The following CARMIL1 variants were observed in gnomAD, a reference collection of about 807,000 sequenced individuals.
The protein encoded by CARMIL1 is capping protein regulator and myosin 1 linker 1, also known as F-actin-uncapping protein LRRC16A.
Under a neutral mutation model 177.1 loss-of-function variants are expected in CARMIL1, and 90 were observed. The ratio of observed to expected loss-of-function variants is 0.51; its 90% CI spans 0.43 to 0.61. The LOEUF (loss-of-function observed/expected upper bound fraction) is 0.61, where lower values mean the gene tolerates loss of function less well. Ranked by LOEUF, CARMIL1 falls within the 20% of genes least tolerant of loss-of-function variation. The probability of loss-of-function intolerance (pLI) is 0.00; values close to 1 mark genes in which losing one functional copy is unlikely to be tolerated. For missense variants in CARMIL1, 1,380 were observed against 1,667.0 expected, an observed-to-expected ratio of 0.83 and a Z score of 3.00; for synonymous variants, 577 against 606.2, an observed-to-expected ratio of 0.95 and a Z score of 0.71.
At chr6:25,356,618 C>T (rs920814814) in intron 2 of CARMIL1, among the ~76,000 whole-genome samples, 6 of 152,168 alleles carry the variant, frequency 3.9e-5, no homozygotes, top group South Asian at 2.1e-4. Flanking sequence ...TTTTTCCTGG[C>T]GCTTCTCCCT....
At chr6:25,356,847 A>C (rs1284489311) in intron 2 of CARMIL1, among the ~76,000 whole-genome samples, 1 of 152,260 alleles carries the variant, frequency 6.6e-6, no homozygotes, top group Non-Finnish European at 1.5e-5. Flanking sequence ...TGGTCTGTCC[A>C]GCAGACCTTC....
intron 10 of CARMIL1, among the ~76,000 whole-genome samples, chr6:25,471,749 G>T: frequency 6.6e-6 from 1 of 152,078 alleles, no homozygotes; most frequent in East Asian, 1.9e-4. Context: ...TGACTTTACT[G>T]CTTTGCTTTG....
At position 25,341,441 on chromosome 6, in the gene CARMIL1, C is replaced by T. The variant is rs118138813; in HGVS notation, c.138+56532C>T. Among the ~76,000 whole-genome samples, 290 of 152,270 alleles carry T rather than the reference C, an allele frequency of 1.9e-3. 4 individuals are homozygous for T. The East Asian group carries it at 0.047, about 25-fold the overall frequency. ...TTTATATATAGAAAACTCAGAATGCCGGCTGAGCATGGTGGCTCATGCCTA... is the reference window on the plus strand; with the variant it reads ...TTTATATATAGAAAACTCAGAATGCTGGCTGAGCATGGTGGCTCATGCCTA... On this transcript the variant is annotated intron_variant, in intron 2 of 36. Transcript: ENST00000329474.
intron 5 of CARMIL1, among the ~76,000 whole-genome samples, chr6:25,441,649 A>G (rs951534649): frequency 3.9e-5 from 6 of 152,090 alleles, no homozygotes; most frequent in African/African-American, 1.4e-4. Context: ...ACCCCAACTC[A>G]AATCACTGTT....
At chr6:25,586,139 TTGCCCCCCACCTCCCAGACGGGGCGGC>T (rs1440497362) in intron 31 of CARMIL1, among the ~76,000 whole-genome samples, 5 of 137,928 alleles carry the variant, frequency 3.6e-5, no homozygotes, top group South Asian at 2.3e-4. Context: ...GGGCGGGGGG[TTGCCCCCCACCTCCCAGACGGGGCGGC>T]TGCCGGGCAG....
intron 2 of CARMIL1, among the ~76,000 whole-genome samples, chr6:25,306,957 C>T (rs1317481732): frequency 1.3e-5 from 2 of 149,572 alleles, no homozygotes; most frequent in Non-Finnish European, 2.9e-5. Context: ...CGGCTCACTG[C>T]AACCTCTGCC....
intron 10 of CARMIL1, 107 bp from the exon 11 acceptor site, chr6:25,472,320 T>C: frequency 5.5e-6 from 4 of 729,582 alleles, no homozygotes; most frequent in Non-Finnish European, 9.4e-6. Flanking sequence ...ACTAATATTG[T>C]AAGGGAGGTT....
At chr6:25,533,378 A>G (rs1025603104) in intron 24 of CARMIL1, among the ~76,000 whole-genome samples, 1 of 152,178 alleles carries the variant, frequency 6.6e-6, no homozygotes, top group African/African-American at 2.4e-5. Flanking sequence ...GTGTGAACTT[A>G]TGTTAGTCAC....
chr6:25,505,899 G>A (rs1378984712), intron 17 of CARMIL1, among the ~76,000 whole-genome samples: 6 of 152,180 alleles, frequency 3.9e-5, no homozygotes, highest in African/African-American at 1.4e-4. Context: ...GATGCAAAGG[G>A]CAATTAATTA....
Position 25,554,663 on chromosome 6 carries a change from GT to G in CARMIL1, c.2592+568del, listed in dbSNP as rs1179803516. Among the ~76,000 whole-genome samples, 7 of 151,976 alleles carry G rather than the reference GT, an allele frequency of 4.6e-5. No individual in the cohort carries two copies. The highest frequency in any genetic ancestry group is 3.9e-4 in the Admixed American group (6 of 15,266). On this transcript the variant is annotated intron_variant, in intron 28 of 36. Transcript: ENST00000329474. The surrounding 1 kb of genome is among the most constrained non-coding windows in gnomAD (Gnocchi z 4.6). ...CCAATATCAGTGCATATGAAAAAATGTATCAGAAACTCAATGTTGCGCAAAC... is the reference window on the plus strand; with the variant it reads ...CCAATATCAGTGCATATGAAAAAATGATCAGAAACTCAATGTTGCGCAAAC...
chr6:25,539,867 C>T (rs563414958), intron 25 of CARMIL1, 80 bp from the exon 26 acceptor site: 2 of 1,108,666 alleles, frequency 1.8e-6, no homozygotes, highest in Admixed American at 3.1e-5. Flanking sequence ...TATTCCTTCA[C>T]CCTTCTCATT....
At position 25,465,860 on chromosome 6, in the gene CARMIL1, T is replaced by C. The variant is rs1031385218; in HGVS notation, c.615-13T>C. On this transcript the variant is annotated splice_polypyrimidine_tract_variant and intron_variant, in intron 8 of 36. Coordinates refer to ENST00000329474, the MANE Select transcript of CARMIL1 (RefSeq NM_017640.6). ...AGGAGCACTTTCATGTACTTTGTTG[T>C]TTCTGCTTCCAGGGACCTAATACCT... The C allele has an allele frequency of 1.3e-6, 2 of 1,584,646 alleles. No homozygotes were observed. Among genetic ancestry groups the C allele is most frequent in the Admixed American group, 1.7e-5 (1 of 59,770 alleles).
intron 35 of CARMIL1, among the ~76,000 whole-genome samples, chr6:25,609,035 A>G (rs1322278776): frequency 6.6e-6 from 1 of 152,152 alleles, no homozygotes; most frequent in African/African-American, 2.4e-5. Context: ...ATGTTTTAAG[A>G]AAGTTTACAA....
At position 25,515,247 on chromosome 6, in the gene CARMIL1, C is replaced by A. The variant is rs540998639; in HGVS notation, c.1633-428C>A. 3.9e-5 allele frequency among the ~76,000 whole-genome samples: 6 copies of A among 152,260 alleles called. No homozygotes were observed. In the South Asian group the frequency reaches 1.0e-3, roughly 26 times the overall value. Reference sequence around the variant, plus strand: ...CAATAATTGTCAGCTATTATTAATCCTGGCTGGCTTTTATCTTGTATTTGT... The same window carrying A: ...CAATAATTGTCAGCTATTATTAATCATGGCTGGCTTTTATCTTGTATTTGT... On this transcript the variant is annotated intron_variant, in intron 20 of 36. Transcript: ENST00000329474. The surrounding 1 kb of genome is among the most constrained non-coding windows in gnomAD (Gnocchi z 5.0).
intron 31 of CARMIL1, among the ~76,000 whole-genome samples, chr6:25,591,579 C>T (rs1029159138): frequency 1.3e-5 from 2 of 152,198 alleles, no homozygotes; most frequent in African/African-American, 4.8e-5. Context: ...ACTGTTTGTC[C>T]TTTCCTTTGC....
At chr6:25,530,074 A>C (rs1382335848) in intron 24 of CARMIL1, among the ~76,000 whole-genome samples, 2 of 152,158 alleles carry the variant, frequency 1.3e-5, no homozygotes, top group Admixed American at 1.3e-4. Context: ...AAAGAATAGA[A>C]AACCATTTCA....
At chr6:25,420,568 C>T (rs189716804) in intron 3 of CARMIL1, among the ~76,000 whole-genome samples, 27 of 24,834 alleles carry the variant, frequency 1.1e-3, no homozygotes, top group Admixed American at 3.9e-3. Flanking sequence ...TTCGGTGATC[C>T]GAAGTACTGG....
chr6:25,402,148 G>A (rs1337243532), intron 2 of CARMIL1, among the ~76,000 whole-genome samples: 2 of 151,544 alleles, frequency 1.3e-5, no homozygotes, highest in African/African-American at 2.4e-5. Context: ...ACTAATACCA[G>A]CCCTTTCATT....
Position 25,506,842 on chromosome 6 carries a change from AG to A in CARMIL1, c.1396-2812del, listed in dbSNP as rs1237492580. On this transcript the variant is annotated intron_variant, in intron 17 of 36. Transcript: ENST00000329474. ...TCTTTTTAAATGACAAATGATATTA[AG>A]GAAGGAAAGTAAATTATTAAAAGTT... Among the ~76,000 whole-genome samples the A allele has an allele frequency of 3.3e-5, 5 of 152,212 alleles. No homozygotes were observed. In the East Asian group the frequency reaches 9.6e-4, roughly 29 times the overall value.
Sources: gnomAD v4.1 joint callset for allele counts (sites outside exome capture counted in the v4.1 genomes callset) on GRCh38, gnomAD v4.1.1 for gene constraint, Gnocchi (gnomAD v3.1) non-coding constraint, MANE v1.5 for transcripts, NCBI Gene and HGNC (gene_info 2026-07-23, HGNC 2026-07-21) for gene names.